Variants in ZNF257 observed in about 807,000 individuals in gnomAD.
The protein encoded by ZNF257 is zinc finger protein 257.
Under a neutral mutation model 11.9 loss-of-function variants are expected in ZNF257, and 12 were observed. The observed-to-expected ratio is 1.01, with a 90% CI of 0.65 to 1.63. ZNF257 has a LOEUF of 1.63. Among genes scored for constraint, ZNF257 ranks in the 40% most tolerant of loss-of-function variants. The pLI, the probability that ZNF257 is intolerant of heterozygous loss-of-function variation, is 0.00. For missense variants in ZNF257, 580 were observed against 665.5 expected, an observed-to-expected ratio of 0.87 and a Z score of 1.41; for synonymous variants, 183 against 222.7, an observed-to-expected ratio of 0.82 and a Z score of 1.59.
At chr19:22,056,865 G>A (rs1430537571) in intron 1 of ZNF257, among the ~76,000 whole-genome samples, 1 of 151,994 alleles carries the variant, frequency 6.6e-6, no homozygotes, top group Non-Finnish European at 1.5e-5. Context: ...ATGCTACCAA[G>A]GAAAAGAATA....
intron 3 of ZNF257, chr19:22,074,293 C>T (rs1355769006): frequency 1.3e-5 from 2 of 151,994 alleles, no homozygotes; most frequent in Non-Finnish European, 2.9e-5. Flanking sequence ...TATCTTATAT[C>T]TTTCAGTGTA....
rs769390884 is a variant in ZNF257 at position 22,073,530 on chromosome 19, T to C, written c.192T>C (p.Asn64=). Residue 64 remains asparagine, a synonymous_variant, in exon 3 of 4, where the codon AAT becomes AAC. Transcript: ENST00000594947. The stretch of plus-strand genomic sequence containing the variant: ...TGGAGCAAGGAAAAGAGCCCTGTAA[T>C]ATGAAGAGACATGAGATGGTAGCCA... ...TCLEQGKEPC[N]MKRHEMVAKP... 1.2e-6 allele frequency: 2 copies of C among 1,612,322 alleles called. No individual in the cohort carries two copies. The highest frequency in any genetic ancestry group is 1.7e-6 in the Non-Finnish European group (2 of 1,179,204).
intron 1 of ZNF257, among the ~76,000 whole-genome samples, chr19:22,067,426 G>A (rs1213802695): frequency 6.6e-6 from 1 of 152,090 alleles, no homozygotes; most frequent in East Asian, 1.9e-4. Context: ...CACCCATCCA[G>A]AGCCTAAATC....
At chr19:22,071,520 G>C (rs545848758) in intron 1 of ZNF257, among the ~76,000 whole-genome samples, 1 of 152,048 alleles carries the variant, frequency 6.6e-6, no homozygotes, top group Non-Finnish European at 1.5e-5. Context: ...ATCAAGAGCT[G>C]TGTCCACTCT....
rs1330073528 is a variant in ZNF257, at chr19:22,090,536, T to C, written c.*1094T>C. On this transcript the variant is annotated 3_prime_UTR_variant, in exon 4 of 4. Transcript: ENST00000594947. Reference sequence around the variant, plus strand: ...AAATATTTAATTCAAATTGAGTTTATATAATTATCAGAGAATTAACAGTAG... The same window carrying C: ...AAATATTTAATTCAAATTGAGTTTACATAATTATCAGAGAATTAACAGTAG... 6.6e-6 allele frequency: 1 copy of C among 152,150 alleles called. No individual in the cohort carries two copies. Among genetic ancestry groups the C allele is most frequent in the Non-Finnish European group, 1.5e-5 (1 of 68,006 alleles). 9.4% of individuals were successfully genotyped at this position (152,150 alleles called of 1,614,324 possible). A position where few individuals can be genotyped will look rare whatever the true frequency, so the allele number is the denominator to read the frequency against.
intron 1 of ZNF257, among the ~76,000 whole-genome samples, chr19:22,069,662 T>C (rs2022049929): frequency 6.6e-6 from 1 of 152,268 alleles, no homozygotes; most frequent in Non-Finnish European, 1.5e-5. Context: ...TCTGATGTCA[T>C]CACCTGAAGG....
intron 3 of ZNF257, chr19:22,087,603 C>G: frequency 8.2e-7 from 1 of 1,226,320 alleles, no homozygotes; most frequent in Non-Finnish European, 1.0e-6. Context: ...AATGTATGTG[C>G]CAATATTTTT....
At chr19:22,061,212 G>A (rs1174017030) in intron 1 of ZNF257, among the ~76,000 whole-genome samples, 3 of 152,060 alleles carry the variant, frequency 2.0e-5, no homozygotes, top group Non-Finnish European at 4.4e-5. Context: ...ATTTCTTTGG[G>A]CAGTATGCCC....
In ZNF257 at chr19:22,068,879, T is replaced by C. The variant is rs538425468; in HGVS notation, c.4-3930T>C. ...TAAATCTCTTCTGTCTGGCTTACAA[T>C]TGGGCCGTCAGCACACGGTCACTGG... On this transcript the variant is annotated intron_variant, in intron 1 of 3. Coordinates refer to ENST00000594947, the MANE Select transcript of ZNF257 (RefSeq NM_033468.4). Among the ~76,000 whole-genome samples, 29 of 152,274 alleles carry C rather than the reference T, an allele frequency of 1.9e-4. 1 individual carries two copies. The highest frequency in any genetic ancestry group is 6.3e-4 in the African/African-American group (26 of 41,538).
chr19:22,059,634 GTTTCT>G (rs2021738163), intron 1 of ZNF257, among the ~76,000 whole-genome samples: 1 of 96,160 alleles, frequency 1.0e-5, no homozygotes, highest in Non-Finnish European at 2.0e-5. Context: ...ACATGATTTT[GTTTCT>G]TTTCTTTTTT....
chr19:22,063,272 G>C (rs901044002), intron 1 of ZNF257, among the ~76,000 whole-genome samples: 3 of 152,112 alleles, frequency 2.0e-5, no homozygotes, highest in African/African-American at 7.2e-5. Context: ...AATCTAGCCA[G>C]TAGTATATCT....
chr19:22,084,024 T>C (rs1346963626), intron 3 of ZNF257, among the ~76,000 whole-genome samples: 1 of 151,622 alleles, frequency 6.6e-6, no homozygotes, highest in African/African-American at 2.4e-5. Flanking sequence ...CCGGTAATCC[T>C]AGCTATTCGG....
intron 1 of ZNF257, among the ~76,000 whole-genome samples, chr19:22,061,340 T>C (rs1272344151): frequency 6.6e-6 from 1 of 152,216 alleles, no homozygotes; most frequent in African/African-American, 2.4e-5. Context: ...ATTTTTGTCA[T>C]AGAGATCTTT....
intron 1 of ZNF257, among the ~76,000 whole-genome samples, chr19:22,054,960 G>A (rs1186646589): frequency 1.4e-5 from 2 of 144,504 alleles, no homozygotes; most frequent in African/African-American, 5.1e-5. Flanking sequence ...CCTGAGTTAT[G>A]GAGTGTAGCC....
At position 22,090,139 on chromosome 19, in the gene ZNF257, T is replaced by C. The variant is rs2022593677; in HGVS notation, c.*697T>C. 6.6e-6 allele frequency: 1 copy of C among 152,298 alleles called. No individual in the cohort carries two copies. Among genetic ancestry groups the C allele is most frequent in the Admixed American group, 6.5e-5 (1 of 15,284 alleles). The allele number at this position is 152,298 out of a possible 1,614,324, so 9.4% of individuals were successfully genotyped here. ...ATAAAGAATGTGGAAAAGTCATTAA[T>C]ATTTGCTCACATATTACACATCAGA... On this transcript the variant is annotated 3_prime_UTR_variant, in exon 4 of 4. Coordinates refer to ENST00000594947, the MANE Select transcript of ZNF257 (RefSeq NM_033468.4).
intron 1 of ZNF257, among the ~76,000 whole-genome samples, chr19:22,069,160 A>G (rs1191987236): frequency 6.6e-6 from 1 of 152,178 alleles, no homozygotes; most frequent in Non-Finnish European, 1.5e-5. Flanking sequence ...GGCCATTAGA[A>G]TAATAGATGT....
intron 3 of ZNF257, among the ~76,000 whole-genome samples, chr19:22,087,229 A>G (rs1026984060): frequency 7.9e-5 from 12 of 151,272 alleles, no homozygotes; most frequent in Non-Finnish European, 1.6e-4. Flanking sequence ...AGACTGGGAC[A>G]TTTAAAAAAA....
intron 1 of ZNF257, among the ~76,000 whole-genome samples, chr19:22,060,171 A>T (rs1343879125): frequency 6.6e-6 from 1 of 152,232 alleles, no homozygotes; most frequent in Admixed American, 6.5e-5. Context: ...GTATGTACCC[A>T]ATTAAGAGGT....
At position 22,089,724 on chromosome 19, in the gene ZNF257, C is replaced by G; in HGVS notation, c.*282C>G. ...AAGCCTACAAATATGAAGAATGTGA[C>G]AAGGCCTTTAAAAGTTCTCAACCCT... On this transcript the variant is annotated 3_prime_UTR_variant, in exon 4 of 4. Transcript: ENST00000594947. The G allele has an allele frequency of 1.6e-6, 1 of 630,752 alleles. No individual in the cohort carries two copies. Among genetic ancestry groups the G allele is most frequent in the Non-Finnish European group, 2.4e-6 (1 of 414,828 alleles). The allele number at this position is 630,752 out of a possible 1,614,324, so 39.1% of individuals were successfully genotyped here. A position where few individuals can be genotyped will look rare whatever the true frequency, so the allele number is the denominator to read the frequency against.
Sources: allele counts gnomAD v4.1 joint callset (sites outside exome capture counted in the v4.1 genomes callset), GRCh38; gene constraint gnomAD v4.1.1; transcripts MANE v1.5; gene names NCBI Gene and HGNC (gene_info 2026-07-23, HGNC 2026-07-21).